CFAP70: variants seen among roughly 807,000 people sequenced by gnomAD.
CFAP70 encodes the protein cilia and flagella associated protein 70.
CFAP70 carries 81 observed loss-of-function variants against 137.6 expected under a neutral mutation model. The ratio of observed to expected loss-of-function variants is 0.59; its 90% confidence interval spans 0.49 to 0.71. The LOEUF (loss-of-function observed/expected upper bound fraction) is 0.71, where lower values mean the gene tolerates loss of function less well. CFAP70 is among the 30% of genes least tolerant of loss of function. The probability of loss-of-function intolerance (pLI) is 0.00; values close to 1 mark genes in which losing one functional copy is unlikely to be tolerated. For missense variants in CFAP70, 976 were observed against 1,226.7 expected (o/e 0.80, Z 3.05); for synonymous variants, 382 against 423.6 (o/e 0.90, Z 1.20).
chr10:73,332,006 C>T (rs1230110372), intron 7 of CFAP70, among the ~76,000 whole-genome samples: 4 of 152,042 alleles, frequency 2.6e-5, no homozygotes, highest in African/African-American at 9.7e-5. Context: ...AAAAGTTGAT[C>T]GAATTGAAAT....
intron 4 of CFAP70, 49 bp downstream of exon 5, chr10:73,348,107 G>A: frequency 6.5e-7 from 1 of 1,541,982 alleles, no homozygotes; most frequent in Non-Finnish European, 9.0e-7. Context: ...AGACAGAATT[G>A]TTACATTGAA....
At chr10:73,339,799 A>G (rs1445691785) in intron 6 of CFAP70, among the ~76,000 whole-genome samples, 2 of 149,272 alleles carry the variant, frequency 1.3e-5, no homozygotes, top group East Asian at 2.0e-4. Flanking sequence ...TGGAGACACC[A>G]GAAACTGAAG....
chr10:73,279,997 T>C (rs997464723), intron 19 of CFAP70, among the ~76,000 whole-genome samples: 1 of 152,218 alleles, frequency 6.6e-6, no homozygotes, highest in Admixed American at 6.5e-5. Context: ...ACCAGGAATG[T>C]TTGAGAGTTC....
chr10:73,271,518 T>C (rs1308721034), intron 24 of CFAP70, among the ~76,000 whole-genome samples: 1 of 151,990 alleles, frequency 6.6e-6, no homozygotes, highest in Non-Finnish European at 1.5e-5. Flanking sequence ...ATACCAATAC[T>C]ATACTGTTAA....
chr10:73,335,411 T>C lies in CFAP70; in HGVS notation c.677+19A>G. 1.9e-6 allele frequency: 3 copies of C among 1,563,986 alleles called. No individual in the cohort carries two copies. The highest frequency in any genetic ancestry group is 2.6e-6 in the Non-Finnish European group (3 of 1,139,264). Reference sequence around the variant, plus strand: ...CAAGCCTTTGTGGGTTAGACATATGTCCTTCCTCTTCTTCTTACCTGACCA... The same window carrying C: ...CAAGCCTTTGTGGGTTAGACATATGCCCTTCCTCTTCTTCTTACCTGACCA... On this transcript the variant is annotated intron_variant, in intron 7 of 26. Transcript: ENST00000310715.
chr10:73,333,084 C>A (rs913962957), intron 7 of CFAP70, among the ~76,000 whole-genome samples: 4 of 151,982 alleles, frequency 2.6e-5, no homozygotes, highest in African/African-American at 4.8e-5. Flanking sequence ...AAGAAAGAAT[C>A]AAAAGGAAAT....
chr10:73,291,176 G>A, intron 19 of CFAP70, 50 bp downstream of exon 20: 1 of 1,549,712 alleles, frequency 6.5e-7, no homozygotes, highest in Non-Finnish European at 8.9e-7. Context: ...CACCACACCT[G>A]GCAGTAATTT....
chr10:73,296,791 A>G (rs1271952398), intron 15 of CFAP70: 3 of 284,598 alleles, frequency 1.1e-5, no homozygotes, highest in Admixed American at 9.5e-5. Flanking sequence ...TGACAATTCC[A>G]TCACATTTTT....
At chr10:73,282,374 C>G (rs746592789) in intron 19 of CFAP70, among the ~76,000 whole-genome samples, 1 of 150,846 alleles carries the variant, frequency 6.6e-6, no homozygotes, top group African/African-American at 2.5e-5. Flanking sequence ...ATGTCACACA[C>G]ACAAAAAAAA....
chr10:73,281,720 A>G (rs1017146555), intron 19 of CFAP70, among the ~76,000 whole-genome samples: 1 of 152,234 alleles, frequency 6.6e-6, no homozygotes, highest in Non-Finnish European at 1.5e-5. Context: ...TATTCACAGT[A>G]GTAAAGACAT....
chr10:73,361,159 C>T (rs967638829), upstream of CFAP70, among the ~76,000 whole-genome samples: 16 of 152,088 alleles, frequency 1.1e-4, no homozygotes, highest in East Asian at 3.9e-4. Context: ...TCACCACGCC[C>T]GGCTAATTTT....
intron 12 of CFAP70, among the ~76,000 whole-genome samples, chr10:73,305,374 A>C (rs1001331847): frequency 2.6e-5 from 4 of 152,218 alleles, no homozygotes; most frequent in African/African-American, 9.6e-5. Flanking sequence ...AGAGCATTCA[A>C]AAGTACTTGT....
intron 8 of CFAP70, among the ~76,000 whole-genome samples, chr10:73,324,430 T>G (rs1000229012): frequency 6.6e-6 from 1 of 152,076 alleles, no homozygotes; most frequent in Non-Finnish European, 1.5e-5. Context: ...GCAGAGTGCC[T>G]CTCCTACTCC....
At chr10:73,304,615 G>A (rs2049226678) in intron 12 of CFAP70, among the ~76,000 whole-genome samples, 1 of 152,108 alleles carries the variant, frequency 6.6e-6, no homozygotes, top group Admixed American at 6.6e-5. Flanking sequence ...AATATGTGAA[G>A]AAACAGTAGT....
rs193163685 is a variant in CFAP70 at position 73,274,650 on chromosome 10, T to G, written c.2674-56A>C. 3.6e-3 allele frequency: 5,156 copies of G among 1,425,446 alleles called. 315 individuals carry two copies. The Admixed American group carries it at 0.11, about 31-fold the overall frequency. 88.3% of individuals were successfully genotyped at this position (1,425,446 alleles called of 1,614,324 possible). A position where few individuals can be genotyped will look rare whatever the true frequency, so the allele number is the denominator to read the frequency against. ...GATAAGGTAGTATTTAAAAGTACCT[T>G]GATGATCTTTGTTTAACATTTAAAT... is the stretch of plus-strand genomic sequence containing the variant. On this transcript the variant is annotated intron_variant, in intron 22 of 26. Transcript: ENST00000310715.
intron 6 of CFAP70, among the ~76,000 whole-genome samples, chr10:73,340,291 G>C (rs529728793): frequency 6.6e-6 from 1 of 152,338 alleles, no homozygotes; most frequent in South Asian, 2.1e-4. Flanking sequence ...CAGCAGAGAG[G>C]AGACCCACAG....
chr10:73,352,777 A>T (rs2054374593), intron 3 of CFAP70, among the ~76,000 whole-genome samples: 2 of 152,190 alleles, frequency 1.3e-5, no homozygotes, highest in Admixed American at 6.5e-5. Flanking sequence ...TTATAAATGT[A>T]CCTCTAAGTA....
At chr10:73,321,546 G>C (rs570049115) in intron 9 of CFAP70, among the ~76,000 whole-genome samples, 1 of 152,216 alleles carries the variant, frequency 6.6e-6, no homozygotes, top group East Asian at 1.9e-4. Context: ...CTGAAAAATA[G>C]CTGTCCTAAT....
At chr10:73,279,524 A>G (rs1288016444) in intron 19 of CFAP70, among the ~76,000 whole-genome samples, 1 of 20,414 alleles carries the variant, frequency 4.9e-5, no homozygotes, top group Admixed American at 7.5e-4. Context: ...ACTCTGTCTC[A>G]ATAAATAAAT....
Sources: gnomAD v4.1 joint callset for allele counts (sites outside exome capture counted in the v4.1 genomes callset) on GRCh38, gnomAD v4.1.1 for gene constraint, MANE v1.5 for transcripts, NCBI Gene and HGNC (gene_info 2026-07-23, HGNC 2026-07-21) for gene names.